The following TRAK1 variants were observed in gnomAD, a reference collection of about 807,000 sequenced individuals.
TRAK1 encodes the protein trafficking kinesin-binding protein 1.
A neutral mutation model predicts 92.1 loss-of-function variants in TRAK1; 33 were observed. The ratio of observed to expected loss-of-function variants is 0.36; its 90% CI spans 0.27 to 0.48. The LOEUF (loss-of-function observed/expected upper bound fraction) is 0.48, where lower values mean the gene tolerates loss of function less well. Ranked by LOEUF, TRAK1 falls within the 20% of genes least tolerant of loss-of-function variation. The pLI, the probability that TRAK1 is intolerant of heterozygous loss-of-function variation, is 0.99. For missense variants in TRAK1, 1,123 were observed against 1,257.9 expected (o/e 0.89, Z 1.62); for synonymous variants, 521 against 517.3 (o/e 1.01, Z -0.10).
chr3:42,131,443 G>T (rs1475438340), intron 2 of TRAK1, among the ~76,000 whole-genome samples: 1 of 152,136 alleles, frequency 6.6e-6, no homozygotes, highest in Non-Finnish European at 1.5e-5. Flanking sequence ...TCTGCCAGGC[G>T]CTGTGGCTCA....
intron 1 of TRAK1, among the ~76,000 whole-genome samples, chr3:42,115,598 G>A (rs1408497558): frequency 2.0e-5 from 3 of 152,174 alleles, no homozygotes; most frequent in Admixed American, 6.5e-5. Context: ...CTTAGAAAGC[G>A]TTTCTTCTGT....
At chr3:42,075,820 C>G (rs572283020) in intron 1 of TRAK1, among the ~76,000 whole-genome samples, 3 of 151,826 alleles carry the variant, frequency 2.0e-5, no homozygotes, top group Non-Finnish European at 4.4e-5. Context: ...ATGGCCTTTG[C>G]CCATTTTTAA....
chr3:42,223,086 C>A lies in TRAK1; in HGVS notation c.2211C>A (p.Ser737=). ...AGTCCACGACCACCATGAGCACATC[C>A]CTGGGGCTCGTGTGGCTGTTGAAGG... ...TRESTTTMST[S]LGLVWLLKER... is the part of the protein sequence containing the mutation. The change falls in exon 16 of 16, where the codon TCC becomes TCA. Residue 737 remains serine, a synonymous_variant. Transcript: ENST00000327628. The surrounding 1 kb of genome is among the most constrained non-coding windows in gnomAD (Gnocchi z 6.1). 6.2e-7 allele frequency: 1 copy of A among 1,614,154 alleles called. No homozygotes were observed. The highest frequency in any genetic ancestry group is 8.5e-7 in the Non-Finnish European group (1 of 1,180,036).
chr3:42,070,190 C>G (rs1482351149), intron 1 of TRAK1, among the ~76,000 whole-genome samples: 3 of 150,474 alleles, frequency 2.0e-5, no homozygotes, highest in African/African-American at 7.3e-5. Flanking sequence ...TGTGAGTGAG[C>G]TTGTTACCTG....
At chr3:42,135,808 C>G (rs1697882134) in intron 2 of TRAK1, among the ~76,000 whole-genome samples, 1 of 152,164 alleles carries the variant, frequency 6.6e-6, no homozygotes, top group African/African-American at 2.4e-5. Context: ...CTTCTCTTGC[C>G]TACATCTTCT....
chr3:42,109,995 A>G (rs1444302784), intron 1 of TRAK1, among the ~76,000 whole-genome samples: 2 of 150,202 alleles, frequency 1.3e-5, no homozygotes, highest in Non-Finnish European at 3.0e-5. Context: ...AGATATACCT[A>G]ATATAAATGA....
At chr3:42,121,340 A>G (rs1709832015) in intron 1 of TRAK1, among the ~76,000 whole-genome samples, 3 of 151,072 alleles carry the variant, frequency 2.0e-5, no homozygotes, top group African/African-American at 4.9e-5. Flanking sequence ...GCTCACTGCA[A>G]GCTCCGCCTC....
intron 1 of TRAK1, among the ~76,000 whole-genome samples, chr3:42,119,985 G>A (rs1709639539): frequency 6.6e-6 from 1 of 152,208 alleles, no homozygotes; most frequent in African/African-American, 2.4e-5. Flanking sequence ...AGGGTCATTT[G>A]AGGTCAGGAG....
At chr3:42,115,413 G>A (rs1177917033) in intron 1 of TRAK1, among the ~76,000 whole-genome samples, 2 of 152,054 alleles carry the variant, frequency 1.3e-5, no homozygotes, top group South Asian at 2.1e-4. Context: ...TTAGCCTCAC[G>A]TCGGACACCC....
rs575588909 is a variant in TRAK1 at position 42,099,195 on chromosome 3, C to T, written c.91+7635C>T. 1.1e-4 allele frequency among the ~76,000 whole-genome samples: 17 copies of T among 152,158 alleles called. No individual in the cohort carries two copies. In the South Asian group the frequency reaches 3.5e-3, roughly 32 times the overall value. On this transcript the variant is annotated intron_variant, in intron 1 of 15. Transcript: ENST00000327628. ...TCAGGTGTAGGGGTGGCAGTGGCAG[C>T]CTGGATGAGTGGCTGCACTCGGTGG...
chr3:42,131,080 A>T (rs1445879174), intron 2 of TRAK1, among the ~76,000 whole-genome samples: 1 of 152,042 alleles, frequency 6.6e-6, no homozygotes, highest in Admixed American at 6.6e-5. Flanking sequence ...CATGTTTTTT[A>T]CTCATGCAGG....
chr3:42,027,964 C>A (rs1701983662), intron 1 of TRAK1, among the ~76,000 whole-genome samples: 1 of 152,158 alleles, frequency 6.6e-6, no homozygotes, highest in Non-Finnish European at 1.5e-5. Flanking sequence ...ATTCTTGTGC[C>A]TTAGCCTCCT....
At chr3:42,076,179 ATTTG>A (rs1704146333) in intron 1 of TRAK1, among the ~76,000 whole-genome samples, 1 of 138,078 alleles carries the variant, frequency 7.2e-6, no homozygotes, top group Non-Finnish European at 1.6e-5. Flanking sequence ...TTTCTTGTAA[ATTTG>A]TTTAAGTTCC....
intron 3 of TRAK1, among the ~76,000 whole-genome samples, chr3:42,181,705 G>T (rs1275291731): frequency 6.6e-6 from 1 of 152,224 alleles, no homozygotes; most frequent in Admixed American, 6.5e-5. Context: ...ACTAGTTCTA[G>T]TAGAGACATT....
chr3:42,130,489 CAG>C (rs1392167948), intron 2 of TRAK1, among the ~76,000 whole-genome samples: 2 of 152,228 alleles, frequency 1.3e-5, no homozygotes, highest in African/African-American at 4.8e-5. Flanking sequence ...AATTAGCCAA[CAG>C]TATTTACTGA....
intron 1 of TRAK1, among the ~76,000 whole-genome samples, chr3:42,068,785 AC>A (rs1318742105): frequency 3.9e-5 from 6 of 152,176 alleles, no homozygotes; most frequent in African/African-American, 4.8e-5. Context: ...TTGAACATTA[AC>A]TGTATGCTTA....
At chr3:42,124,185 T>C (rs945477662) in intron 1 of TRAK1, among the ~76,000 whole-genome samples, 1 of 151,900 alleles carries the variant, frequency 6.6e-6, no homozygotes, top group Admixed American at 6.6e-5. Context: ...ATCTTTTGAA[T>C]AATTTTTCTT....
intron 1 of TRAK1, among the ~76,000 whole-genome samples, chr3:42,023,397 G>C (rs867695478): frequency 2.4e-4 from 37 of 152,048 alleles, no homozygotes; most frequent in African/African-American, 8.5e-4. Context: ...GAAGGCCCAT[G>C]GCAGGGTTGG....
At chr3:42,126,939 A>G (rs1399727084) in intron 2 of TRAK1, among the ~76,000 whole-genome samples, 1 of 152,244 alleles carries the variant, frequency 6.6e-6, no homozygotes, top group Non-Finnish European at 1.5e-5. Flanking sequence ...AATCAGTTTC[A>G]ATATGGATAA....
Sources: allele counts gnomAD v4.1 joint callset (sites outside exome capture counted in the v4.1 genomes callset), GRCh38; gene constraint gnomAD v4.1.1; non-coding constraint Gnocchi (gnomAD v3.1); transcripts MANE v1.5; gene names NCBI Gene and HGNC (gene_info 2026-07-23, HGNC 2026-07-21).